The following LIMA1 variants were observed in gnomAD, a reference collection of about 807,000 sequenced individuals.
The protein encoded by LIMA1 is LIM domain and actin binding 1, also known as LIM domain and actin-binding protein 1.
LIMA1 carries 52 observed loss-of-function variants against 62.6 expected under a neutral mutation model. That is an observed-to-expected ratio of 0.83 (90% confidence interval 0.67 to 1.05). The LOEUF is 1.05. Ranked by LOEUF, LIMA1 falls within the 50% of genes least tolerant of loss-of-function variation. The probability of loss-of-function intolerance (pLI) is 0.00; values close to 1 mark genes in which losing one functional copy is unlikely to be tolerated. For missense variants in LIMA1, 780 were observed against 902.2 expected, an observed-to-expected ratio of 0.86 and a Z score of 1.74; for synonymous variants, 302 against 317.8, an observed-to-expected ratio of 0.95 and a Z score of 0.53.
chr12:50,270,321 A>G (rs995433524), intron 1 of LIMA1, among the ~76,000 whole-genome samples: 24 of 151,066 alleles, frequency 1.6e-4, no homozygotes, highest in Non-Finnish European at 3.5e-4. Context: ...AAGTTGGGCC[A>G]GGCACAGTGG....
intron 2 of LIMA1, among the ~76,000 whole-genome samples, chr12:50,244,595 A>G (rs1466395122): frequency 1.3e-5 from 2 of 152,202 alleles, no homozygotes; most frequent in African/African-American, 4.8e-5. Context: ...ACTGATTGTA[A>G]TTAATGGGTT....
At chr12:50,280,144 ATTTTTTTTTTTTTTTT>A (rs71441354) in intron 1 of LIMA1, among the ~76,000 whole-genome samples, 3 of 68,266 alleles carry the variant, frequency 4.4e-5, no homozygotes, top group African/African-American at 6.0e-5. Flanking sequence ...GGGTAGTAGT[ATTTTTTTTTTTTTTTT>A]TTTTTTTTTT....
intron 3 of LIMA1, among the ~76,000 whole-genome samples, chr12:50,228,542 C>T (rs1344402376): frequency 6.6e-6 from 1 of 152,246 alleles, no homozygotes; most frequent in Non-Finnish European, 1.5e-5. Context: ...CCTTTAAACA[C>T]CAAGGTGCCC....
Position 50,177,888 on chromosome 12 carries a change from C to A in LIMA1, c.1456G>T (p.Glu486Ter). 6.2e-7 allele frequency: 1 copy of A among 1,613,804 alleles called. No homozygotes were observed. The highest frequency in any genetic ancestry group is 8.5e-7 in the Non-Finnish European group (1 of 1,179,882). Residue 486 changes from glutamate (E) to a stop codon, truncating the protein, a stop_gained, in exon 11 of 11, where the codon GAG becomes TAG. Coordinates refer to ENST00000341247, the MANE Select transcript of LIMA1 (RefSeq NM_016357.5). LOFTEE classifies it high-confidence loss of function. ...TCTACCCCTGGGCTGTGAGGGGTCT[C>A]CCTTGCATTTGCAAGCTGGGCTGGT... ...ERPAQLANAR[E>*]TPHSPGVEDA...
At chr12:50,227,381 G>A (rs1217256371) in intron 3 of LIMA1, among the ~76,000 whole-genome samples, 1 of 151,788 alleles carries the variant, frequency 6.6e-6, no homozygotes, top group African/African-American at 2.4e-5. Flanking sequence ...TGGGATTACA[G>A]GCGTGAGCCA....
intron 4 of LIMA1, 112 bp downstream of exon 4, chr12:50,221,907 CAA>C: frequency 1.2e-6 from 1 of 830,566 alleles, no homozygotes; most frequent in Non-Finnish European, 1.9e-6. Flanking sequence ...TAACTGGAAT[CAA>C]AAGACATACT....
intron 3 of LIMA1, among the ~76,000 whole-genome samples, chr12:50,224,988 G>A (rs944868548): frequency 7.5e-5 from 11 of 147,374 alleles, no homozygotes; most frequent in Admixed American, 6.3e-4. Context: ...CTGCAACCTC[G>A]GCCTCCTGGA....
intron 3 of LIMA1, 156 bp from the exon 4 acceptor site, chr12:50,222,641 A>C: frequency 2.0e-6 from 3 of 1,532,028 alleles, no homozygotes; most frequent in Non-Finnish European, 2.6e-6. Flanking sequence ...ACATGGAGAA[A>C]GCATCCACCC....
At chr12:50,193,513 A>G (rs1175291082) in intron 8 of LIMA1, among the ~76,000 whole-genome samples, 1 of 128,328 alleles carries the variant, frequency 7.8e-6, no homozygotes, top group African/African-American at 3.0e-5. Context: ...ATGTGTATAT[A>G]TGATATATAT....
At chr12:50,264,599 T>C (rs1942116347) in intron 1 of LIMA1, among the ~76,000 whole-genome samples, 1 of 152,204 alleles carries the variant, frequency 6.6e-6, no homozygotes, top group South Asian at 2.1e-4. Flanking sequence ...GTACTTTACT[T>C]TCCTTCTATG....
intron 5 of LIMA1, 88 bp downstream of exon 5, chr12:50,205,896 T>A: frequency 1.1e-6 from 1 of 890,832 alleles, no homozygotes; most frequent in Non-Finnish European, 1.7e-6. Flanking sequence ...CCACTCTTCC[T>A]TTAAAAGCAT....
chr12:50,212,203 C>A (rs1051096113), intron 4 of LIMA1, among the ~76,000 whole-genome samples: 8 of 152,136 alleles, frequency 5.3e-5, no homozygotes, highest in Admixed American at 3.9e-4. Flanking sequence ...TTTTCTACAC[C>A]TATCTTCAGA....
intron 7 of LIMA1, among the ~76,000 whole-genome samples, chr12:50,197,370 CAT>C (rs1174699493): frequency 4.0e-5 from 6 of 151,378 alleles, no homozygotes; most frequent in African/African-American, 1.5e-4. Flanking sequence ...TCGCCAGGCA[CAT>C]GTCCTTTTTT....
At chr12:50,267,517 G>A (rs938680598) in intron 1 of LIMA1, among the ~76,000 whole-genome samples, 5 of 144,434 alleles carry the variant, frequency 3.5e-5, no homozygotes, top group African/African-American at 1.3e-4. Context: ...GTGCCCCCTG[G>A]CCACATTTAC....
At chr12:50,183,063 G>A (rs550246533) in intron 9 of LIMA1, among the ~76,000 whole-genome samples, 18 of 152,120 alleles carry the variant, frequency 1.2e-4, no homozygotes, top group African/African-American at 3.4e-4. Context: ...TTAGGCAGGC[G>A]TAGTGGTACA....
intron 2 of LIMA1, among the ~76,000 whole-genome samples, chr12:50,238,844 T>C (rs775840272): frequency 6.6e-5 from 10 of 150,446 alleles, no homozygotes; most frequent in Admixed American, 1.3e-4. Context: ...AGCGAGGCTC[T>C]GTCTCACGAA....
At chr12:50,282,371 GA>G (rs1165346462) in intron 1 of LIMA1, among the ~76,000 whole-genome samples, 2 of 152,150 alleles carry the variant, frequency 1.3e-5, no homozygotes, top group Admixed American at 6.5e-5. Context: ...GCAAAAGAAA[GA>G]ATACTTAATG....
At chr12:50,210,451 A>G (rs1015851112) in intron 4 of LIMA1, among the ~76,000 whole-genome samples, 2 of 151,962 alleles carry the variant, frequency 1.3e-5, no homozygotes, top group Admixed American at 1.3e-4. Flanking sequence ...AAAGAAAAGA[A>G]CAACCAAAAG....
At chr12:50,214,958 AG>A (rs1941318349) in intron 4 of LIMA1, among the ~76,000 whole-genome samples, 1 of 152,242 alleles carries the variant, frequency 6.6e-6, no homozygotes, top group African/African-American at 2.4e-5. Context: ...ATTAACTAAG[AG>A]GAAGATAAGA....
Sources: allele counts gnomAD v4.1 joint callset (sites outside exome capture counted in the v4.1 genomes callset), GRCh38; gene constraint gnomAD v4.1.1; transcripts MANE v1.5; gene names NCBI Gene and HGNC (gene_info 2026-07-23, HGNC 2026-07-21).